Variants in DOCK3 observed in about 807,000 individuals in gnomAD.
The protein encoded by DOCK3 is dedicator of cytokinesis protein 3.
A neutral mutation model predicts 265.6 loss-of-function variants in DOCK3; 60 were observed. That is an observed-to-expected ratio of 0.23 (90% CI 0.18 to 0.28). The LOEUF is 0.28. Among genes scored for constraint, DOCK3 ranks in the 10% least tolerant of loss-of-function variants. The pLI is 1.00. For missense variants in DOCK3, 1,981 were observed against 2,594.3 expected (o/e 0.76, Z 5.14); for synonymous variants, 881 against 938.0 (o/e 0.94, Z 1.11).
intron 22 of DOCK3, among the ~76,000 whole-genome samples, chr3:51,259,575 G>A (rs1322438135): frequency 6.6e-6 from 1 of 152,176 alleles, no homozygotes; most frequent in Non-Finnish European, 1.5e-5. Flanking sequence ...GTCTTGGTGG[G>A]AAGAGGGTGG....
chr3:51,176,840 G>A (rs1284329230), intron 12 of DOCK3, among the ~76,000 whole-genome samples: 1 of 152,122 alleles, frequency 6.6e-6, no homozygotes, highest in Admixed American at 6.6e-5. Context: ...AAAATGAGGT[G>A]TACTCAAATA....
chr3:50,978,428 TG>T (rs1027495570), intron 5 of DOCK3, among the ~76,000 whole-genome samples: 5 of 152,146 alleles, frequency 3.3e-5, no homozygotes, highest in South Asian at 4.2e-4. Context: ...GTGCCCCTGC[TG>T]GGGGGGTGCC....
intron 4 of DOCK3, among the ~76,000 whole-genome samples, chr3:50,917,697 A>G (rs1410230655): frequency 1.3e-5 from 2 of 149,440 alleles, no homozygotes; most frequent in Non-Finnish European, 3.0e-5. Flanking sequence ...CTATCTCATT[A>G]ATTTTTTTCA....
At chr3:50,901,229 G>A (rs1398900388) in intron 4 of DOCK3, among the ~76,000 whole-genome samples, 1 of 152,142 alleles carries the variant, frequency 6.6e-6, no homozygotes, top group Non-Finnish European at 1.5e-5. Flanking sequence ...GAACTACAGT[G>A]GGCTCCACCC....
chr3:50,850,431 C>T (rs4130897), intron 3 of DOCK3, among the ~76,000 whole-genome samples: 11,062 of 151,748 alleles, frequency 0.073, 538 homozygotes, highest in Non-Finnish European at 0.11. Flanking sequence ...TCCTTACAGT[C>T]CATGCTTTGA....
intron 5 of DOCK3, among the ~76,000 whole-genome samples, chr3:51,011,480 C>A (rs75776103): frequency 6.6e-6 from 1 of 152,138 alleles, no homozygotes; most frequent in African/African-American, 2.4e-5. Context: ...TCCATCAGGT[C>A]GTTTAAGGAT....
intron 1 of DOCK3, among the ~76,000 whole-genome samples, chr3:50,696,655 C>T (rs1168402559): frequency 1.3e-5 from 2 of 152,014 alleles, no homozygotes; most frequent in Admixed American, 6.6e-5. Context: ...TACCATCTTC[C>T]CTTTAATTTA....
chr3:51,130,500 A>G lies in DOCK3; in HGVS notation c.747-16049A>G, dbSNP rs9866368. 3.7e-3 allele frequency among the ~76,000 whole-genome samples: 558 copies of G among 152,324 alleles called. 4 individuals carry two copies. The highest frequency in any genetic ancestry group is 0.013 in the African/African-American group (536 of 41,578). Reference sequence around the variant, plus strand: ...CTCAAGCAATGAAACCACATCTGGTAAAGCAGCTGTAATTGGAGTCACCAC... The same window carrying G: ...CTCAAGCAATGAAACCACATCTGGTGAAGCAGCTGTAATTGGAGTCACCAC... On this transcript the variant is annotated intron_variant, in intron 9 of 52. Transcript: ENST00000266037.
chr3:51,249,314 C>A (rs2108612697), intron 22 of DOCK3, among the ~76,000 whole-genome samples: 1 of 143,360 alleles, frequency 7.0e-6, no homozygotes, highest in Middle Eastern at 3.9e-3. Flanking sequence ...GCCGCCCCGT[C>A]CGGGAGGGAG....
intron 5 of DOCK3, among the ~76,000 whole-genome samples, chr3:50,964,192 A>G (rs2076964896): frequency 6.6e-6 from 1 of 152,176 alleles, no homozygotes; most frequent in Non-Finnish European, 1.5e-5. Context: ...TGAAAGCAAG[A>G]CCAAAAGGAT....
chr3:50,883,926 C>G (rs1240785065), intron 3 of DOCK3, among the ~76,000 whole-genome samples: 1 of 152,008 alleles, frequency 6.6e-6, no homozygotes, highest in Non-Finnish European at 1.5e-5. Flanking sequence ...TGACTTCTTT[C>G]TGTCTCTGTG....
chr3:50,892,377 A>G (rs1202368760), intron 4 of DOCK3, among the ~76,000 whole-genome samples: 1 of 152,100 alleles, frequency 6.6e-6, no homozygotes, highest in Non-Finnish European at 1.5e-5. Flanking sequence ...AAATACCTTT[A>G]TAAGAGGTCC....
intron 5 of DOCK3, among the ~76,000 whole-genome samples, chr3:50,934,289 T>G (rs1214150421): frequency 6.6e-6 from 1 of 152,228 alleles, no homozygotes; most frequent in African/African-American, 2.4e-5. Flanking sequence ...TCTCCTCCAG[T>G]CACTGGAATA....
intron 1 of DOCK3, among the ~76,000 whole-genome samples, chr3:50,683,165 A>G (rs1036734488): frequency 6.6e-6 from 1 of 152,236 alleles, no homozygotes; most frequent in African/African-American, 2.4e-5. Context: ...TCTAGGTTTT[A>G]TTTTATATGA....
At chr3:50,984,943 G>A (rs1320972104) in intron 5 of DOCK3, among the ~76,000 whole-genome samples, 1 of 152,194 alleles carries the variant, frequency 6.6e-6, no homozygotes, top group African/African-American at 2.4e-5. Context: ...TGCAAATACT[G>A]TGCCGTTTTA....
intron 27 of DOCK3, among the ~76,000 whole-genome samples, chr3:51,289,657 A>G (rs999915056): frequency 2.0e-5 from 3 of 152,062 alleles, no homozygotes; most frequent in East Asian, 1.9e-4. Flanking sequence ...ACCCAACTAT[A>G]TGCTGCCTAC....
chr3:50,698,982 T>A (rs1309271125), intron 1 of DOCK3, among the ~76,000 whole-genome samples: 1 of 152,234 alleles, frequency 6.6e-6, no homozygotes, highest in East Asian at 1.9e-4. Flanking sequence ...TTTGCTTTGA[T>A]GAAGTCCAAT....
rs60209788 is a variant in DOCK3 at position 50,937,276 on chromosome 3, TAAA to T, written c.315+3218_315+3220del. Among the ~76,000 whole-genome samples, 6 of 110,710 alleles carry T rather than the reference TAAA, an allele frequency of 5.4e-5. No individual in the cohort carries two copies. In the East Asian group the frequency reaches 1.3e-3, roughly 24 times the overall value. The allele number at this position is 110,710 out of a possible 152,430, so 72.6% of individuals were successfully genotyped here. ...TGGGCGATGAGAGCAAAACTCCATC[TAAA>T]AAAAAAAAAAAAAAAAAATTTATAA... On this transcript the variant is annotated intron_variant, in intron 5 of 52. Transcript: ENST00000266037.
At chr3:50,889,953 T>G (rs1420535379) in intron 3 of DOCK3, 73 bp from the exon 4 acceptor site, 7 of 1,188,334 alleles carry the variant, frequency 5.9e-6, no homozygotes, top group Non-Finnish European at 7.7e-6. Flanking sequence ...GAAATCTGAT[T>G]GCTATTTTTG....
Sources: gnomAD v4.1 joint callset for allele counts (sites outside exome capture counted in the v4.1 genomes callset) on GRCh38, gnomAD v4.1.1 for gene constraint, MANE v1.5 for transcripts, NCBI Gene and HGNC (gene_info 2026-07-23, HGNC 2026-07-21) for gene names.